CEP85L: variants seen among roughly 807,000 people sequenced by gnomAD.
The protein encoded by CEP85L is centrosomal protein of 85 kDa-like.
A neutral mutation model predicts 100.3 loss-of-function variants in CEP85L; 60 were observed. The observed-to-expected ratio is 0.60, with a 90% CI of 0.49 to 0.74. The LOEUF (loss-of-function observed/expected upper bound fraction) is 0.74. Among genes scored for constraint, CEP85L ranks in the 30% least tolerant of loss-of-function variants. The probability of loss-of-function intolerance (pLI) is 0.00; values close to 1 mark genes in which losing one functional copy is unlikely to be tolerated. For missense variants in CEP85L, 973 were observed against 936.2 expected, an observed-to-expected ratio of 1.04 and a Z score of -0.51; for synonymous variants, 319 against 322.7, an observed-to-expected ratio of 0.99 and a Z score of 0.12.
intron 6 of CEP85L, 198 bp downstream of exon 6, chr6:118,491,488 G>A (rs1045938762): frequency 1.6e-5 from 22 of 1,335,728 alleles, no homozygotes; most frequent in Non-Finnish European, 2.1e-5. Flanking sequence ...AGATATACAA[G>A]AGCATTTCTA....
At chr6:118,504,340 A>G (rs1582929901) in intron 5 of CEP85L, among the ~76,000 whole-genome samples, 2 of 151,900 alleles carry the variant, frequency 1.3e-5, no homozygotes, top group Non-Finnish European at 2.9e-5. Context: ...GCATCACTGC[A>G]CTCCAGCCTC....
chr6:118,682,698 G>T (rs1776705114), intron 1 of CEP85L, among the ~76,000 whole-genome samples: 1 of 144,988 alleles, frequency 6.9e-6, no homozygotes. Context: ...ATAATATTAT[G>T]CCCTAAAGCT....
intron 1 of CEP85L, among the ~76,000 whole-genome samples, chr6:118,649,727 T>C (rs1306910485): frequency 3.1e-5 from 3 of 97,408 alleles, no homozygotes; most frequent in African/African-American, 1.2e-4. Context: ...ACAAATAACA[T>C]ACAATTTAGA....
chr6:118,476,932 A>G (rs1156588225), intron 10 of CEP85L, among the ~76,000 whole-genome samples: 4 of 152,200 alleles, frequency 2.6e-5, no homozygotes, highest in Non-Finnish European at 1.5e-5. Context: ...GACTACAATG[A>G]TAACAGCTCA....
chr6:118,543,490 G>C (rs1429857919), intron 3 of CEP85L, among the ~76,000 whole-genome samples: 8 of 152,012 alleles, frequency 5.3e-5, no homozygotes, highest in Non-Finnish European at 1.2e-4. Flanking sequence ...AAAATAAATA[G>C]ACCTATATAA....
At chr6:118,487,871 T>C (rs570591386) in intron 6 of CEP85L, among the ~76,000 whole-genome samples, 9 of 152,188 alleles carry the variant, frequency 5.9e-5, no homozygotes, top group Non-Finnish European at 1.0e-4. Flanking sequence ...TTTCTCCCTG[T>C]GCAGAGAAAG....
chr6:118,673,599 T>C (rs957327419), intron 1 of CEP85L, among the ~76,000 whole-genome samples: 1 of 152,212 alleles, frequency 6.6e-6, no homozygotes, highest in Non-Finnish European at 1.5e-5. Context: ...CCCTACCACC[T>C]CTGCCCTACT....
At chr6:118,495,304 G>C (rs1774846651) in intron 5 of CEP85L, among the ~76,000 whole-genome samples, 1 of 152,054 alleles carries the variant, frequency 6.6e-6, no homozygotes, top group Admixed American at 6.6e-5. Flanking sequence ...ACACGGTTTG[G>C]TTGTGTCCCC....
intron 5 of CEP85L, among the ~76,000 whole-genome samples, chr6:118,492,921 T>C (rs1436798170): frequency 1.3e-5 from 2 of 152,148 alleles, no homozygotes; most frequent in Non-Finnish European, 2.9e-5. Flanking sequence ...AACTCAACCA[T>C]TACAGAAATA....
rs199583532 is a variant in CEP85L at position 118,523,907 on chromosome 6, G to A, written c.1034C>T (p.Ser345Leu). 3 of 1,579,034 alleles carry A rather than the reference G, an allele frequency of 1.9e-6. No homozygotes were observed. Among genetic ancestry groups the A allele is most frequent in the East Asian group, 4.5e-5 (2 of 44,428 alleles). Residue 345 changes from serine (S) to leucine (L), a missense_variant, in exon 4 of 13, where the codon TCA (serine) becomes TTA (leucine). By Grantham distance (145) the Ser-to-Leu change is moderately radical. This residue lies in a region of CEP85L where 890 missense variants were observed against 844.5 expected (regional missense o/e 1.05). Coordinates refer to ENST00000368491, the MANE Select transcript of CEP85L (RefSeq NM_001042475.3). Reference sequence around the variant, plus strand: ...GCCAGGTGAATAACTTTGACGAGATGATCCAGTCAAAACCTGCAGAAACAT... The same window carrying A: ...GCCAGGTGAATAACTTTGACGAGATAATCCAGTCAAAACCTGCAGAAACAT... ...SETPMQVLTG[S>L]SRQSYSPGYQ... is the part of the protein sequence containing the mutation.
chr6:118,521,269 ACAG>A (rs1776651151), intron 4 of CEP85L, among the ~76,000 whole-genome samples: 1 of 152,198 alleles, frequency 6.6e-6, no homozygotes. Flanking sequence ...TTCTTCAAAA[ACAG>A]AAATGTTATA....
chr6:118,677,824 T>G (rs1301641856), intron 1 of CEP85L, among the ~76,000 whole-genome samples: 1 of 152,196 alleles, frequency 6.6e-6, no homozygotes, highest in Non-Finnish European at 1.5e-5. Context: ...CCTGCCAATA[T>G]TGCCCATAAA....
chr6:118,616,814 G>A (rs2356500), intron 2 of CEP85L, among the ~76,000 whole-genome samples: 102,388 of 151,386 alleles, frequency 0.68, 35,310 homozygotes, highest in Middle Eastern at 0.74. Flanking sequence ...GCGTGGTGGC[G>A]TGCACCTGTA....
intron 2 of CEP85L, among the ~76,000 whole-genome samples, chr6:118,589,940 G>A (rs1453505340): frequency 6.6e-6 from 1 of 152,134 alleles, no homozygotes; most frequent in African/African-American, 2.4e-5. Context: ...CAGAAAACAA[G>A]TATTGTCAGG....
At chr6:118,635,248 T>C (rs982205411) in intron 1 of CEP85L, among the ~76,000 whole-genome samples, 1 of 152,224 alleles carries the variant, frequency 6.6e-6, no homozygotes, top group Non-Finnish European at 1.5e-5. Flanking sequence ...AATTAGTTGA[T>C]AATGTTTAAG....
At chr6:118,492,535 T>C (rs564932441) in intron 5 of CEP85L, among the ~76,000 whole-genome samples, 1 of 152,254 alleles carries the variant, frequency 6.6e-6, no homozygotes, top group Non-Finnish European at 1.5e-5. Flanking sequence ...ATATTCCCTC[T>C]CCCCCATGTA....
At chr6:118,623,866 G>A (rs542389505) in intron 2 of CEP85L, among the ~76,000 whole-genome samples, 1 of 152,300 alleles carries the variant, frequency 6.6e-6, no homozygotes, top group South Asian at 2.1e-4. Context: ...CCAACCAGAA[G>A]ATCTAGTAGT....
chr6:118,641,385 G>C (rs1210077622), intron 1 of CEP85L, among the ~76,000 whole-genome samples: 1 of 124,448 alleles, frequency 8.0e-6, no homozygotes, highest in Non-Finnish European at 1.7e-5. Flanking sequence ...CCACTGGCAA[G>C]CTGCTGGAAG....
intron 3 of CEP85L, among the ~76,000 whole-genome samples, chr6:118,527,322 G>T (rs7741644): frequency 0.71 from 107,706 of 151,894 alleles, 38,903 homozygotes; most frequent in African/African-American, 0.75. Context: ...CTTAACAAAC[G>T]TGCTTTCCCT....
Sources: allele counts gnomAD v4.1 joint callset (sites outside exome capture counted in the v4.1 genomes callset), GRCh38; gene constraint gnomAD v4.1.1; regional missense constraint gnomAD v4.1.1; transcripts MANE v1.5; gene names NCBI Gene and HGNC (gene_info 2026-07-23, HGNC 2026-07-21).